Variants in LINGO1 observed in about 807,000 individuals in gnomAD.
LINGO1 encodes leucine-rich repeat and immunoglobulin-like domain-containing nogo receptor-interacting protein 1.
In LINGO1, 11 loss-of-function variants were observed where a neutral mutation model predicts 37.3. That is an observed-to-expected ratio of 0.29 (90% CI 0.19 to 0.49). The LOEUF (loss-of-function observed/expected upper bound fraction) is 0.49, where lower values mean the gene tolerates loss of function less well. Among genes scored for constraint, LINGO1 ranks in the 20% least tolerant of loss-of-function variants. The pLI is 0.99. For missense variants in LINGO1, 585 were observed against 878.2 expected (o/e 0.67, Z 4.22); for synonymous variants, 387 against 403.0 (o/e 0.96, Z 0.48).
At chr15:77,730,850 G>C (rs1480051810) in intron 2 of LINGO1, among the ~76,000 whole-genome samples, 1 of 152,206 alleles carries the variant, frequency 6.6e-6, no homozygotes, top group Non-Finnish European at 1.5e-5. Context: ...CAGAAAGGCT[G>C]GTAAATGACA....
At chr15:77,794,590 A>ATATAT (rs1381588807) in intron 2 of LINGO1, among the ~76,000 whole-genome samples, 2 of 93,524 alleles carry the variant, frequency 2.1e-5, no homozygotes, top group Non-Finnish European at 4.3e-5. Context: ...ATATATATAT[A>ATATAT]TTTTTTTTTT....
chr15:77,627,576 A>G (rs1323251508), intron 1 of LINGO1, among the ~76,000 whole-genome samples: 3 of 152,178 alleles, frequency 2.0e-5, no homozygotes, highest in Non-Finnish European at 4.4e-5. Context: ...CCAAACTCTT[A>G]TTAAGTGCTC....
intron 1 of LINGO1, among the ~76,000 whole-genome samples, chr15:77,802,167 G>A (rs180729619): frequency 3.9e-5 from 6 of 152,248 alleles, no homozygotes; most frequent in African/African-American, 1.4e-4. Context: ...GGGCATGCAG[G>A]TATGTGGTGC....
Position 77,614,357 on chromosome 15 carries a change from T to C in LINGO1, c.1550A>G (p.Tyr517Cys). Residue 517 changes from tyrosine (Y) to cysteine (C), a missense_variant, in exon 2 of 2, where the codon TAC becomes TGC. Tyr to Cys is a radical substitution (Grantham distance 194, BLOSUM62 -2). Transcript: ENST00000355300. ...SMPAHLHVRS[Y>C]SPDWPHQPNK... ...GGGCTGATGGGGCCAGTCGGGCGAG[T>C]AGCTGCGCACATGCAGGTGGGCGGG... 6.2e-7 allele frequency: 1 copy of C among 1,613,596 alleles called. No individual in the cohort carries two copies. Among genetic ancestry groups the C allele is most frequent in the Non-Finnish European group, 8.5e-7 (1 of 1,179,824 alleles).
At chr15:77,718,196 C>T (rs762332540) in intron 2 of LINGO1, among the ~76,000 whole-genome samples, 2 of 149,020 alleles carry the variant, frequency 1.3e-5, no homozygotes, top group Admixed American at 6.7e-5. Context: ...TTGCCGTGGC[C>T]CTCAGCTTCA....
Position 77,615,112 on chromosome 15 carries a change from C to T in LINGO1, c.795G>A (p.Leu265=), listed in dbSNP as rs761710057. 4 of 1,613,840 alleles carry T rather than the reference C, an allele frequency of 2.5e-6. No homozygotes were observed. Among genetic ancestry groups the T allele is most frequent in the Admixed American group, 3.3e-5 (2 of 60,000 alleles). The part of the protein sequence containing the change: ...MTPNCLYGLN[L]TSLSITHCNL... ...TGCAGTGTGTGATGGACAGGGACGT[C>T]AGGTTGAGGCCGTAGAGGCAGTTGG... The change falls in exon 2 of 2, where the codon CTG becomes CTA. Residue 265 remains leucine, a synonymous_variant. Coordinates refer to ENST00000355300, the MANE Select transcript of LINGO1 (RefSeq NM_032808.7).
chr15:77,645,158 C>T (rs1028668131), intron 3 of LINGO1, among the ~76,000 whole-genome samples: 2 of 152,198 alleles, frequency 1.3e-5, no homozygotes, highest in Non-Finnish European at 2.9e-5. Flanking sequence ...TCCAGACACC[C>T]CTCCTCCCAA....
At chr15:77,688,635 T>A (rs964135114) in intron 2 of LINGO1, among the ~76,000 whole-genome samples, 1 of 152,218 alleles carries the variant, frequency 6.6e-6, no homozygotes, top group African/African-American at 2.4e-5. Flanking sequence ...AGCATTTGGC[T>A]GCAGTCGGCA....
At chr15:77,633,681 G>A (rs1479648713), upstream of LINGO1, among the ~76,000 whole-genome samples, 1 of 152,246 alleles carries the variant, frequency 6.6e-6, no homozygotes, top group African/African-American at 2.4e-5. Context: ...AGAGGGCAGC[G>A]CAGAGCCTCC....
intron 1 of LINGO1, among the ~76,000 whole-genome samples, chr15:77,754,791 C>A (rs546503910): frequency 6.6e-6 from 1 of 152,220 alleles, no homozygotes; most frequent in Non-Finnish European, 1.5e-5. Flanking sequence ...CAGAGGGCCA[C>A]GGTGAGGGTA....
At chr15:77,688,089 C>T (rs1047181566) in intron 2 of LINGO1, among the ~76,000 whole-genome samples, 3 of 152,166 alleles carry the variant, frequency 2.0e-5, no homozygotes, top group Non-Finnish European at 4.4e-5. Context: ...CCCGGGTGAC[C>T]CAGGTTTGAC....
At chr15:77,780,273 G>A (rs2076702513) in intron 1 of LINGO1, among the ~76,000 whole-genome samples, 1 of 152,180 alleles carries the variant, frequency 6.6e-6, no homozygotes, top group Admixed American at 6.5e-5. Context: ...TCTCTCCATG[G>A]ACAATGGTGG....
chr15:77,629,290 G>A (rs191413597), intron 1 of LINGO1, among the ~76,000 whole-genome samples: 39 of 145,798 alleles, frequency 2.7e-4, no homozygotes, highest in African/African-American at 1.0e-3. Context: ...TCATTCGTTC[G>A]CTTGTTCGTT....
chr15:77,703,327 A>G (rs1011181417), intron 2 of LINGO1, among the ~76,000 whole-genome samples: 2 of 152,196 alleles, frequency 1.3e-5, no homozygotes, highest in African/African-American at 4.8e-5. Flanking sequence ...TAGTGCCTAG[A>G]GTCCCACTCT....
chr15:77,758,652 T>C (rs527267481), intron 1 of LINGO1, among the ~76,000 whole-genome samples: 1 of 152,196 alleles, frequency 6.6e-6, no homozygotes, highest in Non-Finnish European at 1.5e-5. Context: ...AAATCCCTGC[T>C]TTCCCATTTA....
chr15:77,782,814 C>T (rs1393849278), intron 1 of LINGO1, among the ~76,000 whole-genome samples: 1 of 152,054 alleles, frequency 6.6e-6, no homozygotes, highest in African/African-American at 2.4e-5. Context: ...CCTGCCACAG[C>T]CTCTAATCCA....
chr15:77,743,885 C>T (rs748902867), intron 1 of LINGO1, among the ~76,000 whole-genome samples: 9 of 152,084 alleles, frequency 5.9e-5, no homozygotes, highest in Non-Finnish European at 1.2e-4. Flanking sequence ...ATGGTGAGCG[C>T]CAGAAGCCCT....
At position 77,689,801 on chromosome 15, in the gene LINGO1, C is replaced by T. The variant is rs556597302; in HGVS notation, c.-99+919G>A. Among the ~76,000 whole-genome samples, 370 of 152,258 alleles carry T rather than the reference C, an allele frequency of 2.4e-3. 3 individuals are homozygous for T. Among genetic ancestry groups the T allele is most frequent in the African/African-American group, 8.4e-3 (348 of 41,550 alleles). The stretch of plus-strand genomic sequence containing the variant: ...CCTCTAAGGATTCTGATCAACAATA[C>T]ACCCTTCTAAGTTCAAAAAAAAGAA... On this transcript the variant is annotated intron_variant, in intron 2 of 3. Transcript: ENST00000559893.
At chr15:77,695,211 T>C (rs1208448798) in intron 1 of LINGO1, among the ~76,000 whole-genome samples, 5 of 152,074 alleles carry the variant, frequency 3.3e-5, no homozygotes, top group Non-Finnish European at 7.4e-5. Context: ...AAAGGTCCGG[T>C]GCTGTCCCCT....
Sources: allele counts gnomAD v4.1 joint callset (sites outside exome capture counted in the v4.1 genomes callset), GRCh38; gene constraint gnomAD v4.1.1; transcripts MANE v1.5; gene names NCBI Gene and HGNC (gene_info 2026-07-23, HGNC 2026-07-21).